METTL24: variants seen among roughly 807,000 people sequenced by gnomAD.
METTL24 encodes the protein probable methyltransferase-like protein 24.
METTL24 carries 29 observed loss-of-function variants against 32.7 expected under a neutral mutation model. That is an observed-to-expected ratio of 0.89 (90% CI 0.66 to 1.21). The LOEUF is 1.21. METTL24 is among the 50% of genes most tolerant of loss of function. The pLI is 0.00. For missense variants in METTL24, 439 were observed against 468.1 expected (o/e 0.94, Z 0.57); for synonymous variants, 163 against 179.5 (o/e 0.91, Z 0.73).
chr6:110,339,151 C>T (rs1055913263), intron 1 of METTL24, among the ~76,000 whole-genome samples: 2 of 152,122 alleles, frequency 1.3e-5, no homozygotes, highest in African/African-American at 4.8e-5. Flanking sequence ...CATGGTGCCA[C>T]AACTTTTATT....
At chr6:110,280,065 C>G (rs1771111267) in intron 4 of METTL24, among the ~76,000 whole-genome samples, 1 of 152,110 alleles carries the variant, frequency 6.6e-6, no homozygotes, top group African/African-American at 2.4e-5. Context: ...TGAGAACTCA[C>G]TATTGCGAGG....
intron 4 of METTL24, among the ~76,000 whole-genome samples, chr6:110,256,616 C>T (rs1331299101): frequency 7.9e-5 from 12 of 152,258 alleles, no homozygotes; most frequent in African/African-American, 2.6e-4. Flanking sequence ...TAACACCCTC[C>T]CCCTGGCCTT....
chr6:110,336,415 C>A (rs1443201407), intron 1 of METTL24, among the ~76,000 whole-genome samples: 1 of 152,224 alleles, frequency 6.6e-6, no homozygotes. Flanking sequence ...TATCCTGATT[C>A]ATGCAAGCAC....
chr6:110,271,756 ATAAAG>A (rs1288593650), intron 4 of METTL24, among the ~76,000 whole-genome samples: 1 of 152,244 alleles, frequency 6.6e-6, no homozygotes, highest in African/African-American at 2.4e-5. Flanking sequence ...ATAGCTAAAT[ATAAAG>A]TATTTATTCA....
Position 110,321,881 on chromosome 6 carries a change from G to A in METTL24, c.417+893C>T, listed in dbSNP as rs538642312. On this transcript the variant is annotated intron_variant, in intron 2 of 4. Coordinates refer to ENST00000338882, the MANE Select transcript of METTL24 (RefSeq NM_001123364.3). ...TTGCTGCCAGAGAGGCTGGGGAGGA[G>A]AACAGGGATGTCAAGAGTGGGCTTG... Among the ~76,000 whole-genome samples the A allele has an allele frequency of 9.2e-5, 14 of 152,252 alleles. No individual in the cohort carries two copies. The South Asian group carries it at 1.0e-3, about 11-fold the overall frequency.
At chr6:110,319,459 A>AGATAGATG (rs1345101899) in intron 2 of METTL24, among the ~76,000 whole-genome samples, 2 of 149,652 alleles carry the variant, frequency 1.3e-5, no homozygotes, top group South Asian at 2.1e-4. Context: ...ATAGATAGAT[A>AGATAGATG]GATGACAGAC....
chr6:110,265,168 A>C (rs1770831045), intron 4 of METTL24, among the ~76,000 whole-genome samples: 1 of 150,336 alleles, frequency 6.7e-6, no homozygotes, highest in Non-Finnish European at 1.5e-5. Flanking sequence ...AAAGAAAGAA[A>C]GAAAGAAAGA....
intron 4 of METTL24, among the ~76,000 whole-genome samples, chr6:110,260,042 C>T (rs1778462778): frequency 6.6e-6 from 1 of 152,180 alleles, no homozygotes; most frequent in Admixed American, 6.5e-5. Context: ...ACTGAAAATT[C>T]TAAAAGTCAG....
rs746403351 is a variant in METTL24 at position 110,298,951 on chromosome 6, T to C, written c.757A>G (p.Ser253Gly). 3 of 1,614,070 alleles carry C rather than the reference T, an allele frequency of 1.9e-6. No individual in the cohort carries two copies. The highest frequency in any genetic ancestry group is 2.5e-6 in the Non-Finnish European group (3 of 1,180,032). Residue 253 changes from serine to glycine, a missense_variant, in exon 4 of 5, where the codon AGC (serine) becomes GGC (glycine). Physicochemically the swap from Ser to Gly is moderately conservative, Grantham distance 56 (BLOSUM62 0). Transcript: ENST00000338882. The part of the protein sequence containing the change: ...KPHSNTRKLG[S>G]ILNEFGHHKI... Reference sequence around the variant, plus strand: ...TGATGTCCAAATTCATTCAAAATGCTTCCCAGTTTTCTGGTGTTGCTATGT... The same window carrying C: ...TGATGTCCAAATTCATTCAAAATGCCTCCCAGTTTTCTGGTGTTGCTATGT...
chr6:110,335,547 G>A (rs1387226485), intron 1 of METTL24, among the ~76,000 whole-genome samples: 1 of 118,112 alleles, frequency 8.5e-6, no homozygotes, highest in East Asian at 2.7e-4. Context: ...TACTTGCTTT[G>A]TACTTGTAGG....
chr6:110,354,276 C>T (rs1772663749), intron 1 of METTL24, among the ~76,000 whole-genome samples: 1 of 152,190 alleles, frequency 6.6e-6, no homozygotes, highest in Non-Finnish European at 1.5e-5. Flanking sequence ...GAGGACTACA[C>T]TTCACTACTC....
At chr6:110,339,699 G>C (rs1447091697) in intron 1 of METTL24, among the ~76,000 whole-genome samples, 1 of 152,210 alleles carries the variant, frequency 6.6e-6, no homozygotes, top group African/African-American at 2.4e-5. Flanking sequence ...AGTTAAAATA[G>C]ATGGTCTATG....
At chr6:110,317,281 T>G (rs916202075) in intron 2 of METTL24, among the ~76,000 whole-genome samples, 2 of 152,260 alleles carry the variant, frequency 1.3e-5, no homozygotes, top group African/African-American at 4.8e-5. Context: ...ATTTATTAAC[T>G]GGGTGCGTCA....
intron 3 of METTL24, among the ~76,000 whole-genome samples, chr6:110,310,271 A>G (rs1771698072): frequency 6.6e-6 from 1 of 152,212 alleles, no homozygotes; most frequent in South Asian, 2.1e-4. Flanking sequence ...CTACAAAACT[A>G]AAAAAGAGAC....
At chr6:110,309,973 T>G (rs143397670) in intron 3 of METTL24, among the ~76,000 whole-genome samples, 3 of 152,274 alleles carry the variant, frequency 2.0e-5, no homozygotes, top group East Asian at 3.9e-4. Flanking sequence ...GTATTATCTA[T>G]GGTTTTAAAT....
chr6:110,320,113 T>C (rs903739283), intron 2 of METTL24, among the ~76,000 whole-genome samples: 2 of 152,234 alleles, frequency 1.3e-5, no homozygotes, highest in African/African-American at 4.8e-5. Context: ...ACATCAATGA[T>C]GCACATACCA....
At chr6:110,271,367 C>T (rs893938068) in intron 4 of METTL24, among the ~76,000 whole-genome samples, 3 of 152,188 alleles carry the variant, frequency 2.0e-5, no homozygotes, top group Non-Finnish European at 4.4e-5. Flanking sequence ...GTAATCTTGG[C>T]TCACTGCAAC....
chr6:110,244,440 C>A lies in METTL24; in HGVS notation c.*1506G>T, dbSNP rs928052329. On this transcript the variant is annotated 3_prime_UTR_variant, in exon 5 of 5. Coordinates refer to ENST00000338882, the MANE Select transcript of METTL24 (RefSeq NM_001123364.3). ...AAGTGCTTTTTCAAATACGTAAAAT[C>A]TAAAAAGTGTAATACCCAAAGTATT... 6.6e-6 allele frequency among the ~76,000 whole-genome samples: 1 copy of A among 151,752 alleles called. No homozygotes were observed. The highest frequency in any genetic ancestry group is 1.9e-4 in the East Asian group (1 of 5,174).
chr6:110,336,515 C>T (rs758583759), intron 1 of METTL24, among the ~76,000 whole-genome samples: 16 of 151,906 alleles, frequency 1.1e-4, no homozygotes, highest in Non-Finnish European at 2.1e-4. Flanking sequence ...CTGAGGTGGG[C>T]GGATCACGAG....
Sources: allele counts gnomAD v4.1 joint callset (sites outside exome capture counted in the v4.1 genomes callset), GRCh38; gene constraint gnomAD v4.1.1; transcripts MANE v1.5; gene names NCBI Gene and HGNC (gene_info 2026-07-23, HGNC 2026-07-21).